YEATS4: variants seen among roughly 807,000 people sequenced by gnomAD.
YEATS4 encodes YEATS domain containing 4.
Under a neutral mutation model 30.1 loss-of-function variants are expected in YEATS4, and 17 were observed. The observed-to-expected ratio is 0.56, with a 90% CI of 0.39 to 0.85. The LOEUF is 0.85. YEATS4 is among the 40% of genes least tolerant of loss of function. YEATS4 has a pLI of 0.00. For missense variants in YEATS4, 142 were observed against 268.3 expected, an observed-to-expected ratio of 0.53 and a Z score of 3.29; for synonymous variants, 85 against 87.5, an observed-to-expected ratio of 0.97 and a Z score of 0.16.
chr12:69,418,325 G>C, the YEATS4 span, among the ~76,000 whole-genome samples: 1 of 152,138 alleles, frequency 6.6e-6, no homozygotes, highest in African/African-American at 2.4e-5. Context: ...GATGGCACAC[G>C]TCTGTAATCC....
chr12:69,360,622 T>A (rs903930527), intron 1 of YEATS4, among the ~76,000 whole-genome samples: 2 of 151,566 alleles, frequency 1.3e-5, no homozygotes, highest in Non-Finnish European at 2.9e-5. Context: ...GCGTAATGTT[T>A]GACATTGTAA....
At chr12:69,423,297 A>C in the YEATS4 span, among the ~76,000 whole-genome samples, 1 of 151,904 alleles carries the variant, frequency 6.6e-6, no homozygotes, top group African/African-American at 2.4e-5. Flanking sequence ...TAAACTCTAG[A>C]GATTTCCAGT....
At chr12:69,370,569 A>G (rs747424531) in intron 4 of YEATS4, 137 bp from the exon 5 acceptor site, 2 of 653,726 alleles carry the variant, frequency 3.1e-6, no homozygotes, top group Non-Finnish European at 4.6e-6. Context: ...ATTTGCTGCA[A>G]TAAGTTGCAG....
the YEATS4 span, among the ~76,000 whole-genome samples, chr12:69,413,549 A>T: frequency 5.9e-3 from 794 of 135,522 alleles, 4 homozygotes; most frequent in Non-Finnish European, 8.7e-3. Flanking sequence ...CTAACCCAAA[A>T]TGCACTAAGT....
chr12:69,381,925 C>T (rs963806868), intron 6 of YEATS4, among the ~76,000 whole-genome samples: 2 of 152,154 alleles, frequency 1.3e-5, no homozygotes, highest in East Asian at 1.9e-4. Context: ...TACAGTGGAG[C>T]CCCCAATAGA....
At chr12:69,387,266 T>C (rs573653123) in intron 6 of YEATS4, among the ~76,000 whole-genome samples, 95 of 152,274 alleles carry the variant, frequency 6.2e-4, no homozygotes, top group African/African-American at 2.2e-3. Flanking sequence ...ATAAGATGAA[T>C]GCGAATTACA....
chr12:69,364,222 G>A (rs745762078), intron 2 of YEATS4: 23 of 444,454 alleles, frequency 5.2e-5, no homozygotes, highest in South Asian at 3.5e-4. Flanking sequence ...GGAGGCCCAA[G>A]CGGGAGGATC....
chr12:69,399,220 AAAAC>A, the YEATS4 span, among the ~76,000 whole-genome samples: 273 of 152,292 alleles, frequency 1.8e-3, no homozygotes, highest in African/African-American at 6.3e-3. Flanking sequence ...TCAGAAAAAA[AAAAC>A]AAACCCACGA....
chr12:69,370,839 G>T (rs1875610916), intron 5 of YEATS4, 41 bp downstream of exon 5: 1 of 1,598,546 alleles, frequency 6.3e-7, no homozygotes, highest in Admixed American at 1.8e-5. Context: ...AGCATTTGAA[G>T]TTGGAGAACT....
chr12:69,412,839 G>A, the YEATS4 span, among the ~76,000 whole-genome samples: 1 of 152,088 alleles, frequency 6.6e-6, no homozygotes, highest in Non-Finnish European at 1.5e-5. Context: ...ATGGGAGGGA[G>A]AGCAGGAGGG....
intron 6 of YEATS4, among the ~76,000 whole-genome samples, chr12:69,377,104 CAGTTTTGTTTAT>C (rs1875901835): frequency 6.6e-6 from 1 of 152,064 alleles, no homozygotes; most frequent in Non-Finnish European, 1.5e-5. Flanking sequence ...AAAAATTTGT[CAGTTTTGTTTAT>C]CTTTTCAGAA....
chr12:69,389,068 G>A (rs1335789929), intron 6 of YEATS4, among the ~76,000 whole-genome samples: 1 of 152,238 alleles, frequency 6.6e-6, no homozygotes, highest in African/African-American at 2.4e-5. Context: ...GCTAGTAAGT[G>A]GCAGAGCTGG....
At chr12:69,392,901 AACTT>A (rs1205554025), downstream of YEATS4, among the ~76,000 whole-genome samples, 2 of 152,220 alleles carry the variant, frequency 1.3e-5, no homozygotes, top group Non-Finnish European at 2.9e-5. Flanking sequence ...TAATTGTAGT[AACTT>A]AATACTATAT....
chr12:69,389,811 T>G (rs1361770900), intron 6 of YEATS4, among the ~76,000 whole-genome samples: 1 of 152,032 alleles, frequency 6.6e-6, no homozygotes, highest in East Asian at 1.9e-4. Flanking sequence ...CTGCGCCCAG[T>G]CACCTCTCAT....
chr12:69,404,157 C>T, the YEATS4 span, among the ~76,000 whole-genome samples: 3 of 152,188 alleles, frequency 2.0e-5, no homozygotes, highest in Admixed American at 1.3e-4. Flanking sequence ...TCTAGACTCT[C>T]CATTCTGTTA....
At chr12:69,402,647 A>G in the YEATS4 span, among the ~76,000 whole-genome samples, 1 of 152,036 alleles carries the variant, frequency 6.6e-6, no homozygotes, top group African/African-American at 2.4e-5. Flanking sequence ...ATTTATAGAC[A>G]CTGAAATTTT....
chr12:69,383,240 A>C (rs1340789924), intron 6 of YEATS4, among the ~76,000 whole-genome samples: 1 of 152,146 alleles, frequency 6.6e-6, no homozygotes, highest in Non-Finnish European at 1.5e-5. Context: ...CGCCAGACTG[A>C]ACAATACAAC....
chr12:69,419,613 C>T, the YEATS4 span, among the ~76,000 whole-genome samples: 3 of 151,978 alleles, frequency 2.0e-5, no homozygotes, highest in African/African-American at 7.3e-5. Context: ...ATGCCAGGCC[C>T]CGGCTTAGTA....
chr12:69,408,825 T>C, the YEATS4 span, among the ~76,000 whole-genome samples: 1 of 152,204 alleles, frequency 6.6e-6, no homozygotes, highest in South Asian at 2.1e-4. Flanking sequence ...TTTTGGAGCA[T>C]CTATTGTGTG....
Sources: gnomAD v4.1 joint callset for allele counts (sites outside exome capture counted in the v4.1 genomes callset) on GRCh38, gnomAD v4.1.1 for gene constraint, MANE v1.5 for transcripts, NCBI Gene and HGNC (gene_info 2026-07-23, HGNC 2026-07-21) for gene names.